The following PDZD2 variants were observed in gnomAD, a reference collection of about 807,000 sequenced individuals.
PDZD2 encodes PDZ domain containing 2.
A neutral mutation model predicts 220.7 loss-of-function variants in PDZD2; 90 were observed. The ratio of observed to expected loss-of-function variants is 0.41; its 90% CI spans 0.34 to 0.49. The LOEUF (loss-of-function observed/expected upper bound fraction) is 0.49, where lower values mean the gene tolerates loss of function less well. Ranked by LOEUF, PDZD2 falls within the 20% of genes least tolerant of loss-of-function variation. PDZD2 has a pLI of 0.28. For synonymous variants in PDZD2, 1,375 were observed against 1,450.5 expected, an observed-to-expected ratio of 0.95 and a Z score of 1.18; for missense variants, 3,174 against 3,608.5, an observed-to-expected ratio of 0.88 and a Z score of 3.08.
intron 5 of PDZD2, among the ~76,000 whole-genome samples, chr5:32,001,624 C>G (rs1752115068): frequency 1.3e-5 from 2 of 152,322 alleles, no homozygotes; most frequent in Admixed American, 6.5e-5. Context: ...CACACCCACC[C>G]TAGAGTGCAT....
At chr5:31,708,475 C>T (rs1009600515) in intron 1 of PDZD2, among the ~76,000 whole-genome samples, 1 of 152,212 alleles carries the variant, frequency 6.6e-6, no homozygotes, top group African/African-American at 2.4e-5. Flanking sequence ...GCCCCCAAAG[C>T]TCTTTCTTTC....
rs755680756 is a variant in PDZD2, at chr5:32,110,542, C to T, written c.*2407C>T. On this transcript the variant is annotated 3_prime_UTR_variant, in exon 25 of 25. Transcript: ENST00000438447. ...CTGAAGTGAACACTAATGGTATTGT[C>T]CTACTAAAACTGTCATTGTTTCTTT... 1 of 152,560 alleles carries T rather than the reference C, an allele frequency of 6.6e-6. No individual in the cohort carries two copies. The highest frequency in any genetic ancestry group is 1.5e-5 in the Non-Finnish European group (1 of 68,018). 9.5% of individuals were successfully genotyped at this position (152,560 alleles called of 1,614,324 possible). A position where few individuals can be genotyped will look rare whatever the true frequency, so the allele number is the denominator to read the frequency against.
In PDZD2 at chr5:32,048,556, G is replaced by T; in HGVS notation, c.1537G>T (p.Glu513Ter). Residue 513 changes from glutamate to a stop codon, truncating the protein, a stop_gained, in exon 8 of 25, where the codon GAG becomes TAG. Coordinates refer to ENST00000438447, the MANE Select transcript of PDZD2 (RefSeq NM_178140.4). LOFTEE classifies it high-confidence loss of function. ...TTCTCAAGGGGGTGTACACCGCCTT[G>T]AGTCAGTTGAAGAATATAACGAGCT... Reference protein sequence around the residue: ...SRLSGGVHRLESVEEYNELMV... With the variant: ...SRLSGGVHRL 1.9e-6 allele frequency: 3 copies of T among 1,613,904 alleles called. No homozygotes were observed. Among genetic ancestry groups the T allele is most frequent in the Non-Finnish European group, 1.7e-6 (2 of 1,179,826 alleles).
rs28685001 is a variant in PDZD2 at position 31,763,775 on chromosome 5, G to A, written c.-360-35114G>A. 5.2e-3 allele frequency among the ~76,000 whole-genome samples: 781 copies of A among 151,046 alleles called. 22 individuals are homozygous for A. In the South Asian group the frequency reaches 0.052, roughly 10 times the overall value. On this transcript the variant is annotated intron_variant, in intron 1 of 24. Transcript: ENST00000438447. ...CCAGCCTCATCAAAGCTGGTCATCT[G>A]ACATCAAGCTGGAAATGGCCAACTG...
At chr5:31,860,135 C>A (rs574092750) in intron 2 of PDZD2, among the ~76,000 whole-genome samples, 1 of 152,056 alleles carries the variant, frequency 6.6e-6, no homozygotes, top group East Asian at 2.0e-4. Flanking sequence ...TGAAGTCTAA[C>A]TATTTGGTAT....
chr5:31,663,949 T>C (rs961201283), intron 1 of PDZD2, among the ~76,000 whole-genome samples: 1 of 152,138 alleles, frequency 6.6e-6, no homozygotes, highest in African/African-American at 2.4e-5. Context: ...GTAAGAAGAT[T>C]ACTGCTTACT....
At chr5:31,957,575 G>A (rs540326059) in intron 2 of PDZD2, among the ~76,000 whole-genome samples, 1 of 152,186 alleles carries the variant, frequency 6.6e-6, no homozygotes, top group African/African-American at 2.4e-5. Flanking sequence ...AGATATCCAG[G>A]TCATCCCTCA....
chr5:31,656,421 C>T (rs1745553508), intron 1 of PDZD2, among the ~76,000 whole-genome samples: 1 of 152,156 alleles, frequency 6.6e-6, no homozygotes, highest in South Asian at 2.1e-4. Flanking sequence ...CCTTCCCTCC[C>T]AGACTCAGCT....
chr5:31,799,516 A>G lies in PDZD2; in HGVS notation c.268A>G (p.Ile90Val). 6.2e-7 allele frequency: 1 copy of G among 1,614,180 alleles called. No individual in the cohort carries two copies. ...GACTGTGGGCCTGAGTTTTGGGAACATCCCTGTTTTCGGGGACTATGGTGA... is the reference window on the plus strand; with the variant it reads ...GACTGTGGGCCTGAGTTTTGGGAACGTCCCTGTTTTCGGGGACTATGGTGA... ...TETVGLSFGNIPVFGDYGEKR... is the reference protein window; with the variant it reads ...TETVGLSFGNVPVFGDYGEKR... The change falls in exon 2 of 25, where the codon ATC becomes GTC. Residue 90 changes from isoleucine to valine, a missense_variant. By Grantham distance (29) the Ile-to-Val change is conservative. Coordinates refer to ENST00000438447, the MANE Select transcript of PDZD2 (RefSeq NM_178140.4).
chr5:31,967,942 A>G lies in PDZD2; in HGVS notation c.477-15213A>G, dbSNP rs552306732. The stretch of plus-strand genomic sequence containing the variant: ...CACAAATACATAGAGAAAGTAAAAA[A>G]TAAAATGCAGTTGATATGATTGCAT... On this transcript the variant is annotated intron_variant, in intron 2 of 24. Transcript: ENST00000438447. Among the ~76,000 whole-genome samples, 5 of 152,384 alleles carry G rather than the reference A, an allele frequency of 3.3e-5. No homozygotes were observed. In the East Asian group the frequency reaches 9.6e-4, roughly 29 times the overall value.
intron 20 of PDZD2, among the ~76,000 whole-genome samples, 165 bp from the exon 21 acceptor site, chr5:32,092,742 G>T (rs80108200): frequency 2.6e-5 from 4 of 152,126 alleles, no homozygotes; most frequent in Non-Finnish European, 5.9e-5. Flanking sequence ...CAGCACTCAG[G>T]ATTTATTCTT....
At chr5:31,876,297 CTTT>C (rs56153944) in intron 2 of PDZD2, among the ~76,000 whole-genome samples, 2 of 141,452 alleles carry the variant, frequency 1.4e-5, no homozygotes, top group African/African-American at 5.2e-5. Flanking sequence ...AATTTTTTTT[CTTT>C]TTTTTTTTTT....
At chr5:31,727,175 T>C (rs1016700526) in intron 1 of PDZD2, among the ~76,000 whole-genome samples, 1 of 152,122 alleles carries the variant, frequency 6.6e-6, no homozygotes, top group Non-Finnish European at 1.5e-5. Context: ...GATTACATTT[T>C]AATATGAGAT....
chr5:31,900,623 C>T (rs1224669826), intron 2 of PDZD2, among the ~76,000 whole-genome samples: 2 of 152,122 alleles, frequency 1.3e-5, no homozygotes, highest in African/African-American at 4.8e-5. Flanking sequence ...AAGGCCCTGC[C>T]GAGAGGCAAT....
chr5:31,795,241 G>C (rs1030567610), intron 1 of PDZD2, among the ~76,000 whole-genome samples: 3 of 152,022 alleles, frequency 2.0e-5, no homozygotes, highest in Non-Finnish European at 4.4e-5. Context: ...GACTTTTTTT[G>C]CCTCCCTCAA....
At chr5:31,641,271 G>A (rs1250032392) in intron 1 of PDZD2, among the ~76,000 whole-genome samples, 6 of 152,190 alleles carry the variant, frequency 3.9e-5, no homozygotes, top group South Asian at 2.1e-4. Context: ...TGTAGTAGAC[G>A]CCATGTGTTT....
At chr5:31,901,567 A>T (rs1742102303) in intron 2 of PDZD2, among the ~76,000 whole-genome samples, 1 of 152,176 alleles carries the variant, frequency 6.6e-6, no homozygotes, top group South Asian at 2.1e-4. Flanking sequence ...GAGTCCACAC[A>T]CTTACATCTG....
rs746665067 is a variant in PDZD2 at position 32,088,593 on chromosome 5, C to T, written c.5145C>T (p.Ala1715=). 6.2e-7 allele frequency: 1 copy of T among 1,614,152 alleles called. No individual in the cohort carries two copies. The highest frequency in any genetic ancestry group is 1.7e-5 in the Admixed American group (1 of 60,024). ...AAAACAGTCCGCTGTCTAAAGTAGCCAGGCATTTTCACAGTCCGCCCATCA... is the reference window on the plus strand; with the variant it reads ...AAAACAGTCCGCTGTCTAAAGTAGCTAGGCATTTTCACAGTCCGCCCATCA... The part of the protein sequence containing the change: ...AMENSPLSKV[A]RHFHSPPIIL... Residue 1715 remains alanine (A), a synonymous_variant, in exon 20 of 25, where the codon GCC becomes GCT. Coordinates refer to ENST00000438447, the MANE Select transcript of PDZD2 (RefSeq NM_178140.4). This position sits in a 1 kb window ranked among gnomAD's most constrained non-coding sequence, Gnocchi z 4.6.
chr5:31,668,069 G>A (rs1411434425), intron 1 of PDZD2, among the ~76,000 whole-genome samples: 3 of 151,982 alleles, frequency 2.0e-5, no homozygotes, highest in African/African-American at 7.2e-5. Context: ...CACCATATTG[G>A]CCAGGCTGGT....
Sources: gnomAD v4.1 joint callset for allele counts (sites outside exome capture counted in the v4.1 genomes callset) on GRCh38, gnomAD v4.1.1 for gene constraint, Gnocchi (gnomAD v3.1) non-coding constraint, MANE v1.5 for transcripts, NCBI Gene and HGNC (gene_info 2026-07-23, HGNC 2026-07-21) for gene names.